Variants in ARF4 observed in about 807,000 individuals in gnomAD.
ARF4 encodes the protein ARF GTPase 4.
ARF4 carries 5 observed loss-of-function variants against 24.3 expected under a neutral mutation model. That is an observed-to-expected ratio of 0.21 (90% CI 0.11 to 0.43). The LOEUF is 0.43. Ranked by LOEUF, ARF4 falls within the 20% of genes least tolerant of loss-of-function variation. ARF4 has a pLI of 1.00. For synonymous variants in ARF4, 62 were observed against 73.5 expected, an observed-to-expected ratio of 0.84 and a Z score of 0.80; for missense variants, 107 against 213.0, an observed-to-expected ratio of 0.50 and a Z score of 3.10.
intron 5 of ARF4, among the ~76,000 whole-genome samples, chr3:57,572,679 C>T (rs1009867644): frequency 6.6e-6 from 1 of 151,434 alleles, no homozygotes; most frequent in African/African-American, 2.4e-5. Flanking sequence ...CCGTCTCAAT[C>T]AATCAAGCTA....
intron 3 of ARF4, among the ~76,000 whole-genome samples, 151 bp downstream of exon 3, chr3:57,583,743 CTAAG>C (rs2070003582): frequency 6.6e-6 from 1 of 152,114 alleles, no homozygotes; most frequent in South Asian, 2.1e-4. Context: ...CCTTCAAGGC[CTAAG>C]TGAGAGTCCA....
At chr3:57,596,320 A>AT (rs1249516862) in intron 1 of ARF4, among the ~76,000 whole-genome samples, 5 of 152,222 alleles carry the variant, frequency 3.3e-5, no homozygotes, top group African/African-American at 7.2e-5. Flanking sequence ...CGTTTCTAAA[A>AT]TTTTTTTGCA....
At chr3:57,586,097 G>A (rs2070033549) in intron 1 of ARF4, among the ~76,000 whole-genome samples, 1 of 152,200 alleles carries the variant, frequency 6.6e-6, no homozygotes, top group South Asian at 2.1e-4. Context: ...TTAAATGCTT[G>A]TAAGTATGAA....
intron 5 of ARF4, among the ~76,000 whole-genome samples, chr3:57,573,593 T>A (rs948751075): frequency 6.6e-6 from 1 of 152,190 alleles, no homozygotes; most frequent in African/African-American, 2.4e-5. Context: ...GATCGACTGA[T>A]TGTTTTGAGG....
At chr3:57,582,710 T>C (rs969480926) in intron 3 of ARF4, among the ~76,000 whole-genome samples, 5 of 144,244 alleles carry the variant, frequency 3.5e-5, no homozygotes, top group South Asian at 2.2e-4. Context: ...ACATTGCAAG[T>C]CTTAAAAATA....
intron 3 of ARF4, among the ~76,000 whole-genome samples, chr3:57,578,500 T>G (rs1304962692): frequency 7.1e-6 from 1 of 141,512 alleles, no homozygotes; most frequent in Non-Finnish European, 1.6e-5. Context: ...GCTTCTTTTC[T>G]CAGACAGGGT....
intron 4 of ARF4, among the ~76,000 whole-genome samples, chr3:57,576,363 T>A (rs1003533885): frequency 1.3e-5 from 2 of 152,156 alleles, no homozygotes; most frequent in African/African-American, 4.8e-5. Context: ...CTGCTAATGG[T>A]CCAAGATTTC....
chr3:57,578,936 C>A (rs1005880641), intron 3 of ARF4, among the ~76,000 whole-genome samples: 2 of 152,004 alleles, frequency 1.3e-5, no homozygotes, highest in African/African-American at 4.8e-5. Flanking sequence ...AAAAGATAAA[C>A]CTTGACTCCT....
intron 4 of ARF4, among the ~76,000 whole-genome samples, chr3:57,576,698 A>T (rs543647907): frequency 3.9e-5 from 6 of 152,242 alleles, no homozygotes; most frequent in African/African-American, 1.4e-4. Context: ...AAATCATGAC[A>T]AGGATTCTCA....
In ARF4 at chr3:57,574,616, G is replaced by T. The variant is rs780786043; in HGVS notation, c.456+932C>A. Among the ~76,000 whole-genome samples, 8 of 151,792 alleles carry T rather than the reference G, an allele frequency of 5.3e-5. No homozygotes were observed. The East Asian group carries it at 9.8e-4, about 19-fold the overall frequency. On this transcript the variant is annotated intron_variant, in intron 5 of 5. Coordinates refer to ENST00000303436, the MANE Select transcript of ARF4 (RefSeq NM_001660.4). ...GAGATAGGGTTTCACTTTGTTGCCC[G>T]GGCTGGTTTGGAACTCCTGGCCTCA...
chr3:57,572,076 G>T lies in ARF4; in HGVS notation c.*136C>A. 1 of 649,288 alleles carries T rather than the reference G, an allele frequency of 1.5e-6. No homozygotes were observed. The highest frequency in any genetic ancestry group is 2.7e-6 in the Non-Finnish European group (1 of 367,872). 40.2% of individuals were successfully genotyped at this position (649,288 alleles called of 1,614,324 possible). A position where few individuals can be genotyped will look rare whatever the true frequency, so the allele number is the denominator to read the frequency against. On this transcript the variant is annotated 3_prime_UTR_variant, in exon 6 of 6. Transcript: ENST00000303436. ...ACATTATACTCGGTAAACAATAATT[G>T]GCAACAAAATAAGTTTAATATTCTG...
chr3:57,577,109 A>C (rs534964881), intron 4 of ARF4, among the ~76,000 whole-genome samples: 6 of 151,694 alleles, frequency 4.0e-5, no homozygotes, highest in African/African-American at 9.7e-5. Context: ...TGAAGTAGCT[A>C]CTCTTCCATG....
At chr3:57,578,537 T>C (rs1305440023) in intron 3 of ARF4, among the ~76,000 whole-genome samples, 1 of 151,744 alleles carries the variant, frequency 6.6e-6, no homozygotes, top group East Asian at 1.9e-4. Context: ...AGGAGCACAG[T>C]AGCACAATCT....
At chr3:57,586,194 T>C (rs1194865899) in intron 1 of ARF4, among the ~76,000 whole-genome samples, 4 of 152,216 alleles carry the variant, frequency 2.6e-5, no homozygotes, top group African/African-American at 9.7e-5. Context: ...GAATCTATCA[T>C]TGTTCTTAGG....
At chr3:57,577,498 C>T in intron 3 of ARF4, 111 bp from the exon 4 acceptor site, 1 of 811,218 alleles carries the variant, frequency 1.2e-6, no homozygotes, top group East Asian at 2.5e-5. Flanking sequence ...GAAAATGTCT[C>T]TTTAAAAGTA....
chr3:57,586,812 C>A (rs1175598171), intron 1 of ARF4, among the ~76,000 whole-genome samples: 1 of 152,116 alleles, frequency 6.6e-6, no homozygotes, highest in Non-Finnish European at 1.5e-5. Flanking sequence ...CAAAAAACAA[C>A]TGGATCTTTA....
intron 2 of ARF4, 54 bp from the exon 3 acceptor site, chr3:57,584,061 CT>C: frequency 8.2e-7 from 1 of 1,224,624 alleles, no homozygotes; most frequent in Non-Finnish European, 1.2e-6. Context: ...AAAATAAAAC[CT>C]TTTATTGTGG....
At chr3:57,582,970 GGA>G (rs1434219290) in intron 3 of ARF4, among the ~76,000 whole-genome samples, 1 of 152,184 alleles carries the variant, frequency 6.6e-6, no homozygotes, top group Admixed American at 6.5e-5. Flanking sequence ...TTGCAGGTGT[GGA>G]GAGATTTTTG....
At chr3:57,588,195 G>C (rs891234357) in intron 1 of ARF4, among the ~76,000 whole-genome samples, 1 of 152,148 alleles carries the variant, frequency 6.6e-6, no homozygotes, top group African/African-American at 2.4e-5. Context: ...TGTATTTAAA[G>C]ATGTACTGGA....
Sources: gnomAD v4.1 joint callset for allele counts (sites outside exome capture counted in the v4.1 genomes callset) on GRCh38, gnomAD v4.1.1 for gene constraint, MANE v1.5 for transcripts, NCBI Gene and HGNC (gene_info 2026-07-23, HGNC 2026-07-21) for gene names.